The following TIAM1 variants were observed in gnomAD, a reference collection of about 807,000 sequenced individuals.
TIAM1 encodes TIAM Rac1 associated GEF 1.
Under a neutral mutation model 163.5 loss-of-function variants are expected in TIAM1, and 65 were observed. The observed-to-expected ratio is 0.40, with a 90% CI of 0.33 to 0.49. The LOEUF (loss-of-function observed/expected upper bound fraction) is 0.49. Among genes scored for constraint, TIAM1 ranks in the 20% least tolerant of loss-of-function variants. The pLI is 0.77. For missense variants in TIAM1, 1,789 were observed against 2,044.7 expected (o/e 0.87, Z 2.41); for synonymous variants, 833 against 810.1 (o/e 1.03, Z -0.48).
chr21:31,357,070 C>T (rs1009389269), intron 2 of TIAM1, among the ~76,000 whole-genome samples: 4 of 152,216 alleles, frequency 2.6e-5, no homozygotes, highest in African/African-American at 9.6e-5. Flanking sequence ...TTGGTCATAT[C>T]CTTTTGGCAA....
At chr21:31,179,423 C>A (rs2084912613) in intron 15 of TIAM1, among the ~76,000 whole-genome samples, 1 of 151,602 alleles carries the variant, frequency 6.6e-6, no homozygotes, top group Admixed American at 6.6e-5. Context: ...AAATGAAAAA[C>A]TACATTAAAA....
chr21:31,494,812 C>T (rs1602415932), intron 1 of TIAM1, among the ~76,000 whole-genome samples: 2 of 151,990 alleles, frequency 1.3e-5, no homozygotes, highest in East Asian at 3.9e-4. Context: ...CACTGAACTC[C>T]AGCCTGGCGA....
At chr21:31,556,330 G>T (rs2048877771) in intron 1 of TIAM1, among the ~76,000 whole-genome samples, 1 of 152,208 alleles carries the variant, frequency 6.6e-6, no homozygotes, top group Non-Finnish European at 1.5e-5. Flanking sequence ...ATTCCACTCG[G>T]GGTAACTGAG....
At chr21:31,359,502 T>G (rs2076367689) in intron 2 of TIAM1, among the ~76,000 whole-genome samples, 1 of 151,592 alleles carries the variant, frequency 6.6e-6, no homozygotes, top group African/African-American at 2.4e-5. Context: ...ACATAGAAAA[T>G]ACAGTGAAAG....
At chr21:31,373,070 A>AAG (rs2076626256) in intron 2 of TIAM1, among the ~76,000 whole-genome samples, 1 of 104,768 alleles carries the variant, frequency 9.5e-6, no homozygotes, top group African/African-American at 3.8e-5. Flanking sequence ...AAAAAAAAAG[A>AAG]AAAGAAAAGA....
intron 2 of TIAM1, among the ~76,000 whole-genome samples, chr21:31,284,779 G>A (rs2073728998): frequency 6.6e-6 from 1 of 151,950 alleles, no homozygotes; most frequent in Non-Finnish European, 1.5e-5. Flanking sequence ...GCCCACTTTG[G>A]CTTCCCAAAG....
chr21:31,380,071 T>C (rs996913363), intron 2 of TIAM1, among the ~76,000 whole-genome samples: 1 of 152,156 alleles, frequency 6.6e-6, no homozygotes, highest in African/African-American at 2.4e-5. Flanking sequence ...AAGATCAGCA[T>C]GACCAACATG....
At chr21:31,401,359 C>A (rs1448500916) in intron 2 of TIAM1, among the ~76,000 whole-genome samples, 1 of 152,128 alleles carries the variant, frequency 6.6e-6, no homozygotes, top group Non-Finnish European at 1.5e-5. Context: ...ACTGTCTAGA[C>A]CTGAAATTTT....
intron 11 of TIAM1, 34 bp downstream of exon 11, chr21:31,210,011 C>G: frequency 6.3e-7 from 1 of 1,598,460 alleles, no homozygotes; most frequent in Non-Finnish European, 8.5e-7. Context: ...CCATTCTGCT[C>G]TTCTTGGAGA....
At chr21:31,540,201 C>A (rs574582242) in intron 1 of TIAM1, among the ~76,000 whole-genome samples, 15 of 151,550 alleles carry the variant, frequency 9.9e-5, no homozygotes, top group Non-Finnish European at 1.5e-4. Flanking sequence ...CCTTGGCCAA[C>A]GTGGTGAAAC....
At chr21:31,162,516 C>T (rs923175988) in intron 16 of TIAM1, among the ~76,000 whole-genome samples, 1 of 152,142 alleles carries the variant, frequency 6.6e-6, no homozygotes, top group Non-Finnish European at 1.5e-5. Flanking sequence ...GGAAGTATTT[C>T]GGACACAGAA....
At chr21:31,392,429 G>A (rs757430787) in intron 2 of TIAM1, among the ~76,000 whole-genome samples, 2 of 151,978 alleles carry the variant, frequency 1.3e-5, no homozygotes, top group Non-Finnish European at 2.9e-5. Flanking sequence ...AATTAGCCGG[G>A]CATGGTGGCA....
At chr21:31,296,875 G>C (rs779114413) in intron 2 of TIAM1, among the ~76,000 whole-genome samples, 1 of 152,290 alleles carries the variant, frequency 6.6e-6, no homozygotes, top group East Asian at 1.9e-4. Context: ...GTGTTAGCCA[G>C]GATGGTCTTG....
chr21:31,437,511 A>C (rs1025065978), intron 2 of TIAM1, among the ~76,000 whole-genome samples: 1 of 151,852 alleles, frequency 6.6e-6, no homozygotes, highest in South Asian at 2.1e-4. Context: ...TCAAAAAAAA[A>C]AAAAAGCAAC....
intron 2 of TIAM1, among the ~76,000 whole-genome samples, chr21:31,390,014 A>G (rs1222581983): frequency 1.3e-5 from 2 of 152,160 alleles, no homozygotes; most frequent in Non-Finnish European, 2.9e-5. Flanking sequence ...TGGCTTCCTC[A>G]TTTTAAAGAT....
intron 1 of TIAM1, among the ~76,000 whole-genome samples, chr21:31,556,485 G>A (rs2048883657): frequency 6.6e-6 from 1 of 151,844 alleles, no homozygotes; most frequent in South Asian, 2.1e-4. Flanking sequence ...AGAATGTGTT[G>A]TTGGACCCAA....
intron 6 of TIAM1, among the ~76,000 whole-genome samples, chr21:31,239,771 C>T (rs553209447): frequency 3.3e-5 from 5 of 152,122 alleles, no homozygotes; most frequent in East Asian, 3.9e-4. Flanking sequence ...GGTCATTAAG[C>T]GCATGAATAT....
At chr21:31,160,491 T>A (rs1479762666) in intron 16 of TIAM1, 2 of 398,554 alleles carry the variant, frequency 5.0e-6, no homozygotes, top group Admixed American at 4.4e-5. Flanking sequence ...GTCATTGTTT[T>A]CAATCCTGGG....
intron 1 of TIAM1, among the ~76,000 whole-genome samples, chr21:31,515,278 A>G (rs2147480645): frequency 6.6e-6 from 1 of 152,228 alleles, no homozygotes; most frequent in Admixed American, 6.5e-5. Context: ...AGGTTGAGTT[A>G]GATACTCTAT....
Sources: allele counts gnomAD v4.1 joint callset (sites outside exome capture counted in the v4.1 genomes callset), GRCh38; gene constraint gnomAD v4.1.1; transcripts MANE v1.5; gene names NCBI Gene and HGNC (gene_info 2026-07-23, HGNC 2026-07-21).